ZNF44: variants seen among roughly 807,000 people sequenced by gnomAD.
ZNF44 encodes the protein zinc finger protein 44.
A neutral mutation model predicts 11.7 loss-of-function variants in ZNF44; 9 were observed. The ratio of observed to expected loss-of-function variants is 0.77; its 90% CI spans 0.46 to 1.35. The LOEUF is 1.35. ZNF44 is among the 40% of genes most tolerant of loss of function. ZNF44 has a pLI of 0.00. For synonymous variants in ZNF44, 224 were observed against 242.7 expected, an observed-to-expected ratio of 0.92 and a Z score of 0.72; for missense variants, 696 against 743.1, an observed-to-expected ratio of 0.94 and a Z score of 0.74.
At position 12,263,313 on chromosome 19, in the gene ZNF44, C is replaced by T. The variant is rs1356457887; in HGVS notation, c.1912+9174G>A. ...GTTGGTCAGGGTGGTCTCGAAGTCC[C>T]GACCTCAGGTGATCCGCCCGCCTCA... On this transcript the variant is annotated intron_variant and NMD_transcript_variant, in intron 5 of 7. Transcript: ENST00000393337. 7.2e-5 allele frequency among the ~76,000 whole-genome samples: 11 copies of T among 151,750 alleles called. 1 individual carries two copies. Among genetic ancestry groups the T allele is most frequent in the Admixed American group, 6.6e-4 (10 of 15,238 alleles).
chr19:12,253,877 G>A (rs1428526964), intron 5 of ZNF44, among the ~76,000 whole-genome samples: 2 of 152,128 alleles, frequency 1.3e-5, no homozygotes, highest in Non-Finnish European at 2.9e-5. Context: ...TACTCGGGAG[G>A]CTGATGCAGG....
rs1480237384 is a variant in ZNF44 at position 12,282,419 on chromosome 19, TTC to T, written c.4-6339_4-6338del. On this transcript the variant is annotated intron_variant, in intron 1 of 3. Coordinates refer to ENST00000355684, the MANE Select transcript of ZNF44 (RefSeq NM_016264.4). ...CCAAATCAACCCACTTGGAGAAGTC[TTC>T]TTTTTTTTTTTTTTTTTTGAGACGG... 8.1e-4 allele frequency among the ~76,000 whole-genome samples: 107 copies of T among 132,850 alleles called. No individual in the cohort carries two copies. In the Middle Eastern group the frequency reaches 0.018, roughly 22 times the overall value. The allele number at this position is 132,850 out of a possible 152,430, so 87.2% of individuals were successfully genotyped here. A position where few individuals can be genotyped will look rare whatever the true frequency, so the allele number is the denominator to read the frequency against.
At chr19:12,279,329 T>A (rs1223538361) in intron 1 of ZNF44, among the ~76,000 whole-genome samples, 1 of 152,100 alleles carries the variant, frequency 6.6e-6, no homozygotes, top group Admixed American at 6.6e-5. Context: ...GAGACCAGCC[T>A]GGGCAACATA....
intron 7 of ZNF44, chr19:12,248,710 A>C (rs1001181541): frequency 1.7e-6 from 2 of 1,150,318 alleles, no homozygotes; most frequent in Admixed American, 7.1e-5. Flanking sequence ...TTAATAGTTC[A>C]TTTTTTAAAG....
intron 5 of ZNF44, among the ~76,000 whole-genome samples, chr19:12,252,520 A>G (rs531967464): frequency 6.6e-6 from 1 of 152,324 alleles, no homozygotes; most frequent in African/African-American, 2.4e-5. Flanking sequence ...GATTAATGTG[A>G]CAGATAACAG....
intron 2 of ZNF44, among the ~76,000 whole-genome samples, chr19:12,233,084 A>C (rs956762020): frequency 6.6e-6 from 1 of 152,144 alleles, no homozygotes; most frequent in Non-Finnish European, 1.5e-5. Flanking sequence ...AACCACAAAT[A>C]ATATCTCTGA....
At chr19:12,226,937 A>G in intron 3 of ZNF44, among the ~76,000 whole-genome samples, 1 of 152,040 alleles carries the variant, frequency 6.6e-6, no homozygotes, top group Non-Finnish European at 1.5e-5. Flanking sequence ...GTGGTGGCGA[A>G]CGCCTGTAAT....
At chr19:12,288,747 G>T in intron 1 of ZNF44, among the ~76,000 whole-genome samples, 1 of 100,550 alleles carries the variant, frequency 9.9e-6, no homozygotes, top group East Asian at 2.5e-4. Context: ...CAAAGAGTGA[G>T]ACTCCGTCTC....
intron 5 of ZNF44, among the ~76,000 whole-genome samples, chr19:12,256,561 G>A (rs908826136): frequency 2.0e-5 from 3 of 152,078 alleles, no homozygotes; most frequent in Non-Finnish European, 4.4e-5. Flanking sequence ...ATAATTTTCA[G>A]GAATTTAGCC....
At chr19:12,288,542 G>A (rs1967854449) in intron 1 of ZNF44, among the ~76,000 whole-genome samples, 2 of 151,566 alleles carry the variant, frequency 1.3e-5, no homozygotes, top group Non-Finnish European at 2.9e-5. Flanking sequence ...AGAAGTTTGA[G>A]ACCAGCCTGG....
intron 6 of ZNF44, chr19:12,250,191 A>C (rs954548215): frequency 3.8e-6 from 5 of 1,303,744 alleles, no homozygotes; most frequent in Non-Finnish European, 5.0e-6. Flanking sequence ...ATCCAAGAAA[A>C]AGGTATTCTC....
upstream of ZNF44, among the ~76,000 whole-genome samples, chr19:12,238,624 CAAA>C (rs760047200): frequency 5.4e-3 from 338 of 62,638 alleles, 2 homozygotes; most frequent in African/African-American, 0.015. Context: ...GAGACTGTCT[CAAA>C]AAAAAAAAAA....
At chr19:12,280,852 G>C (rs2145744465) in intron 1 of ZNF44, among the ~76,000 whole-genome samples, 1 of 151,846 alleles carries the variant, frequency 6.6e-6, no homozygotes, top group East Asian at 1.9e-4. Context: ...AATTACAAGG[G>C]ATAGAGAGAT....
intron 5 of ZNF44, among the ~76,000 whole-genome samples, chr19:12,257,553 C>T (rs1317704672): frequency 4.0e-5 from 6 of 149,630 alleles, no homozygotes; most frequent in African/African-American, 1.2e-4. Context: ...TTTGGGAGGC[C>T]GGGGCAGGTG....
At chr19:12,256,423 A>C (rs2145699269) in intron 5 of ZNF44, among the ~76,000 whole-genome samples, 1 of 152,208 alleles carries the variant, frequency 6.6e-6, no homozygotes, top group Admixed American at 6.5e-5. Flanking sequence ...TGGGAGGCGG[A>C]GATTGCAGTG....
intron 3 of ZNF44, among the ~76,000 whole-genome samples, chr19:12,229,439 C>T (rs576125498): frequency 2.6e-5 from 4 of 152,082 alleles, no homozygotes; most frequent in East Asian, 1.9e-4. Flanking sequence ...CACCAGAAAC[C>T]GTTTTAGGAT....
intron 3 of ZNF44, among the ~76,000 whole-genome samples, chr19:12,229,833 C>G (rs112468620): frequency 1.9e-4 from 29 of 151,950 alleles, no homozygotes; most frequent in African/African-American, 6.8e-4. Flanking sequence ...AGGATGGTCT[C>G]GATCTCCTGA....
chr19:12,246,245 C>G (rs1156774162), downstream of ZNF44, among the ~76,000 whole-genome samples: 1 of 152,216 alleles, frequency 6.6e-6, no homozygotes. Flanking sequence ...CACCTCCAAC[C>G]TAGATTGTGT....
At chr19:12,264,055 C>T (rs1045024163) in intron 5 of ZNF44, among the ~76,000 whole-genome samples, 2 of 152,150 alleles carry the variant, frequency 1.3e-5, no homozygotes, top group African/African-American at 4.8e-5. Flanking sequence ...CCACTGCACC[C>T]CAGCCTGGGT....
Sources: allele counts gnomAD v4.1 joint callset (sites outside exome capture counted in the v4.1 genomes callset), GRCh38; gene constraint gnomAD v4.1.1; transcripts MANE v1.5; gene names NCBI Gene and HGNC (gene_info 2026-07-23, HGNC 2026-07-21).